CCSER1: variants seen among roughly 807,000 people sequenced by gnomAD.
CCSER1 encodes serine-rich coiled-coil domain-containing protein 1.
CCSER1 carries 41 observed loss-of-function variants against 82.0 expected under a neutral mutation model. That is an observed-to-expected ratio of 0.50 (90% confidence interval 0.39 to 0.65). The LOEUF is 0.65. CCSER1 is among the 30% of genes least tolerant of loss of function. The probability of loss-of-function intolerance (pLI) is 0.00; values close to 1 mark genes in which losing one functional copy is unlikely to be tolerated. For synonymous variants in CCSER1, 414 were observed against 383.9 expected (o/e 1.08, Z -0.92); for missense variants, 1,119 against 1,064.2 (o/e 1.05, Z -0.72).
intron 9 of CCSER1, among the ~76,000 whole-genome samples, chr4:91,018,751 C>T (rs984869288): frequency 6.6e-6 from 1 of 151,866 alleles, no homozygotes; most frequent in Non-Finnish European, 1.5e-5. Context: ...TGATATATTA[C>T]TTCCTAATCT....
intron 5 of CCSER1, among the ~76,000 whole-genome samples, chr4:90,471,669 A>G (rs962916769): frequency 1.1e-4 from 16 of 151,678 alleles, no homozygotes; most frequent in Non-Finnish European, 2.1e-4. Flanking sequence ...TGGATTTCCC[A>G]TAAGAAAAAA....
intron 10 of CCSER1, among the ~76,000 whole-genome samples, chr4:91,382,735 C>CTT (rs1751002845): frequency 1.3e-5 from 2 of 152,112 alleles, no homozygotes; most frequent in African/African-American, 4.8e-5. Flanking sequence ...GTCTGACAAG[C>CTT]CCCAGTGAGA....
chr4:91,201,048 G>T (rs1735867380), intron 10 of CCSER1, among the ~76,000 whole-genome samples: 1 of 151,978 alleles, frequency 6.6e-6, no homozygotes, highest in African/African-American at 2.4e-5. Context: ...CTATGTATCT[G>T]ACTGTGTTAA....
At chr4:91,154,485 C>T (rs897148356) in intron 10 of CCSER1, among the ~76,000 whole-genome samples, 1 of 119,964 alleles carries the variant, frequency 8.3e-6, no homozygotes, top group African/African-American at 3.2e-5. Context: ...AATGCGTTGC[C>T]CTGCTCCTGC....
chr4:91,257,538 A>G (rs1192061543), intron 10 of CCSER1, among the ~76,000 whole-genome samples: 1 of 122,442 alleles, frequency 8.2e-6, no homozygotes, highest in Non-Finnish European at 1.7e-5. Context: ...TCCTAATGTA[A>G]AATGGGCAAC....
In CCSER1 at chr4:91,187,231, G is replaced by A. The variant is rs77846879; in HGVS notation, c.2217+101237G>A. Among the ~76,000 whole-genome samples, 768 of 152,280 alleles carry A rather than the reference G, an allele frequency of 5.0e-3. 6 individuals carry two copies. Among genetic ancestry groups the A allele is most frequent in the African/African-American group, 0.017 (720 of 41,560 alleles). ...AAATGCAGAAATCACCCACTTCTGC[G>A]TTGCTCACACTGGAAGCTGTAGACT... On this transcript the variant is annotated intron_variant, in intron 10 of 10. Transcript: ENST00000509176.
chr4:90,966,718 C>T (rs937062594), intron 9 of CCSER1, among the ~76,000 whole-genome samples: 3 of 152,082 alleles, frequency 2.0e-5, no homozygotes, highest in Non-Finnish European at 4.4e-5. Flanking sequence ...TTATTTATTA[C>T]TCTTATCTGA....
intron 10 of CCSER1, among the ~76,000 whole-genome samples, chr4:91,597,301 C>A (rs1764630689): frequency 6.6e-6 from 1 of 152,084 alleles, no homozygotes; most frequent in African/African-American, 2.4e-5. Context: ...TGGAAATACA[C>A]ACCCAATAAA....
chr4:90,804,596 A>G (rs1343580358), intron 7 of CCSER1, among the ~76,000 whole-genome samples: 2 of 152,198 alleles, frequency 1.3e-5, no homozygotes, highest in African/African-American at 2.4e-5. Flanking sequence ...TACCAGTACC[A>G]TGCTGTTTTG....
At chr4:90,446,351 T>C (rs886473216) in intron 4 of CCSER1, among the ~76,000 whole-genome samples, 1 of 152,194 alleles carries the variant, frequency 6.6e-6, no homozygotes, top group Non-Finnish European at 1.5e-5. Context: ...TATATGACTG[T>C]TCATCATTTT....
At chr4:90,961,981 CA>C (rs1268503992) in intron 9 of CCSER1, among the ~76,000 whole-genome samples, 1 of 151,886 alleles carries the variant, frequency 6.6e-6, no homozygotes, top group Non-Finnish European at 1.5e-5. Context: ...AAAACAAAAA[CA>C]AAAACAAAAA....
At position 91,126,494 on chromosome 4, in the gene CCSER1, A is replaced by G. The variant is rs146289105; in HGVS notation, c.2217+40500A>G. On this transcript the variant is annotated intron_variant, in intron 10 of 10. Transcript: ENST00000509176. ...GTGTTCACATTAAATTAGAAAAAAT[A>G]TTTCTGCAGCTTATTTATCATAAAA... Among the ~76,000 whole-genome samples, 549 of 152,092 alleles carry G rather than the reference A, an allele frequency of 3.6e-3. 3 individuals are homozygous for G. The highest frequency in any genetic ancestry group is 0.013 in the African/African-American group (523 of 41,556).
At chr4:90,406,815 T>C (rs1196670129) in intron 4 of CCSER1, among the ~76,000 whole-genome samples, 1 of 152,144 alleles carries the variant, frequency 6.6e-6, no homozygotes, top group African/African-American at 2.4e-5. Flanking sequence ...TGAATGATAA[T>C]AGTGATAAAA....
At chr4:90,719,563 T>G (rs180771557) in intron 6 of CCSER1, among the ~76,000 whole-genome samples, 1 of 152,292 alleles carries the variant, frequency 6.6e-6, no homozygotes, top group East Asian at 1.9e-4. Flanking sequence ...TCGCCATGCT[T>G]TCTCAGTGAA....
At chr4:91,489,911 A>C (rs1344283085) in intron 10 of CCSER1, among the ~76,000 whole-genome samples, 2 of 152,188 alleles carry the variant, frequency 1.3e-5, no homozygotes, top group Non-Finnish European at 2.9e-5. Flanking sequence ...AACTCTTATA[A>C]TCCAGTTAAA....
chr4:91,140,443 TA>T (rs922943379), intron 10 of CCSER1, among the ~76,000 whole-genome samples: 6 of 152,084 alleles, frequency 3.9e-5, no homozygotes, highest in African/African-American at 1.4e-4. Flanking sequence ...GAATAACTTT[TA>T]AAAGCTGTTT....
At chr4:90,428,267 C>T (rs1194099394) in intron 4 of CCSER1, among the ~76,000 whole-genome samples, 1 of 151,584 alleles carries the variant, frequency 6.6e-6, no homozygotes, top group Non-Finnish European at 1.5e-5. Context: ...ACAACATCAA[C>T]AAAAAGAAAG....
rs73833292 is a variant in CCSER1, at chr4:90,588,000, C to T, written c.1725-40025C>T. Among the ~76,000 whole-genome samples the T allele has an allele frequency of 2.3e-3, 352 of 152,206 alleles. 3 individuals carry two copies. Among genetic ancestry groups the T allele is most frequent in the African/African-American group, 8.0e-3 (331 of 41,544 alleles). On this transcript the variant is annotated intron_variant, in intron 5 of 10. Coordinates refer to ENST00000509176, the MANE Select transcript of CCSER1 (RefSeq NM_001145065.2). ...ACTATACCACAGTCTATTAAATGTG[C>T]GATAGCATTATGTCTAAAAAAGTCC...
intron 1 of CCSER1, among the ~76,000 whole-genome samples, chr4:90,297,685 TGA>T (rs986587376): frequency 8.9e-4 from 135 of 152,018 alleles, no homozygotes; most frequent in Middle Eastern, 6.8e-3. Context: ...CCTAATTTAT[TGA>T]GAGTTTTTAG....
Sources: allele counts gnomAD v4.1 joint callset (sites outside exome capture counted in the v4.1 genomes callset), GRCh38; gene constraint gnomAD v4.1.1; transcripts MANE v1.5; gene names NCBI Gene and HGNC (gene_info 2026-07-23, HGNC 2026-07-21).